FKBP15: variants seen among roughly 807,000 people sequenced by gnomAD.
The protein encoded by FKBP15 is FK506-binding protein 15.
FKBP15 carries 106 observed loss-of-function variants against 158.1 expected under a neutral mutation model. The ratio of observed to expected loss-of-function variants is 0.67; its 90% confidence interval spans 0.57 to 0.79. The LOEUF (loss-of-function observed/expected upper bound fraction) is 0.79. Among genes scored for constraint, FKBP15 ranks in the 30% least tolerant of loss-of-function variants. The pLI is 0.00. For synonymous variants in FKBP15, 547 were observed against 548.6 expected (o/e 1.00, Z 0.04); for missense variants, 1,287 against 1,479.1 (o/e 0.87, Z 2.13).
rs1375467255 is a variant in FKBP15 at position 113,169,607 on chromosome 9, G to C, written c.3102C>G (p.Ser1034=). The change falls in exon 26 of 28, where the codon TCC becomes TCG. Residue 1034 remains serine, a synonymous_variant. Transcript: ENST00000238256. ...SLPPELSCIP[S]HRVLGPPTSI... ...AAGTCGGGGGCCCTAGAACTCTGTG[G>C]GATGGGATGCAAGACAGTTCGGGTG... 1 of 1,613,922 alleles carries C rather than the reference G, an allele frequency of 6.2e-7. No homozygotes were observed. Among genetic ancestry groups the C allele is most frequent in the African/African-American group, 1.3e-5 (1 of 74,932 alleles).
chr9:113,215,598 ATGTGTG>A (rs199589147), intron 1 of FKBP15, among the ~76,000 whole-genome samples: 8,940 of 133,624 alleles, frequency 0.067, 429 homozygotes, highest in East Asian at 0.14. Flanking sequence ...GTGAATATAT[ATGTGTG>A]CGTGTGTGTG....
chr9:113,215,823 T>A (rs1831119434), intron 1 of FKBP15, among the ~76,000 whole-genome samples: 1 of 150,908 alleles, frequency 6.6e-6, no homozygotes, highest in African/African-American at 2.4e-5. Flanking sequence ...CTAATTTCTG[T>A]ATTTTTTAGT....
Position 113,206,569 on chromosome 9 carries a change from A to G in FKBP15, c.264T>C (p.Gly88=), listed in dbSNP as rs1269585995. Residue 88 remains glycine (G), a synonymous_variant, in exon 4 of 28, where the codon GGT becomes GGC. Transcript: ENST00000238256. ...TAVHAYRYTN[G]QYVKQGKFGA... The stretch of plus-strand genomic sequence containing the variant: ...CAAATTTGCCCTGCTTTACATATTG[A>G]CCATTTGTGCTATAAAAGGAAGAGA... 1 of 1,613,580 alleles carries G rather than the reference A, an allele frequency of 6.2e-7. No individual in the cohort carries two copies.
intron 27 of FKBP15, among the ~76,000 whole-genome samples, chr9:113,166,820 G>A (rs6477989): frequency 0.82 from 125,237 of 152,088 alleles, 51,651 homozygotes; most frequent in South Asian, 0.89. Flanking sequence ...TCTTTTCACA[G>A]CTTGAGCTCC....
intron 14 of FKBP15, 191 bp downstream of exon 14, chr9:113,187,602 T>C: frequency 3.4e-6 from 2 of 585,816 alleles, no homozygotes; most frequent in South Asian, 4.1e-5. Context: ...ATTTAATCTT[T>C]ATGACACTGG....
In FKBP15 at chr9:113,188,673, A is replaced by T. The variant is rs1273273170; in HGVS notation, c.1174-182T>A. On this transcript the variant is annotated intron_variant, in intron 12 of 27. Coordinates refer to ENST00000238256, the MANE Select transcript of FKBP15 (RefSeq NM_015258.2). The stretch of plus-strand genomic sequence containing the variant: ...GTGGAGAAAAAGCACTCTGCTATGC[A>T]ATAAAGTAAGAGTCCTTCTCCCTAT... 5.3e-6 allele frequency: 3 copies of T among 561,776 alleles called. No homozygotes were observed. In the Admixed American group the frequency reaches 9.4e-5, roughly 18 times the overall value. The allele number at this position is 561,776 out of a possible 1,614,324, so 34.8% of individuals were successfully genotyped here. A position where few individuals can be genotyped will look rare whatever the true frequency, so the allele number is the denominator to read the frequency against.
At chr9:113,219,672 A>T (rs1310012694) in intron 1 of FKBP15, among the ~76,000 whole-genome samples, 2 of 152,114 alleles carry the variant, frequency 1.3e-5, no homozygotes, top group African/African-American at 4.8e-5. Flanking sequence ...TCTGGCCAGG[A>T]ATCTGGAAAA....
intron 11 of FKBP15, among the ~76,000 whole-genome samples, chr9:113,192,930 G>A (rs1830602711): frequency 6.6e-6 from 1 of 152,168 alleles, no homozygotes; most frequent in Non-Finnish European, 1.5e-5. Context: ...TTAACTGAGA[G>A]AGGCTCCTCC....
rs1275491873 is a variant in FKBP15, at chr9:113,161,806, AG to A, written c.*4271del. ...CTTCACAGAGAGGACAGCGAGGCCC[AG>A]GGAAGGACCAGGACTTGCCAAAGTG... On this transcript the variant is annotated 3_prime_UTR_variant, in exon 28 of 28. Transcript: ENST00000238256. 1 of 1,278,656 alleles carries A rather than the reference AG, an allele frequency of 7.8e-7. No individual in the cohort carries two copies. The highest frequency in any genetic ancestry group is 2.4e-5 in the East Asian group (1 of 42,334). The allele number at this position is 1,278,656 out of a possible 1,614,324, so 79.2% of individuals were successfully genotyped here. A position where few individuals can be genotyped will look rare whatever the true frequency, so the allele number is the denominator to read the frequency against.
Position 113,166,606 on chromosome 9 carries a change from G to T in FKBP15, c.3583-451C>A, listed in dbSNP as rs1587946160. On this transcript the variant is annotated intron_variant, in intron 27 of 27. Coordinates refer to ENST00000238256, the MANE Select transcript of FKBP15 (RefSeq NM_015258.2). ...ACATATGGAAAAATACTGTCGTCGT[G>T]GCCTAAGGTGGCCTGACTGGCTCTG... Among the ~76,000 whole-genome samples, 4 of 152,280 alleles carry T rather than the reference G, an allele frequency of 2.6e-5. 1 individual carries two copies. The highest frequency in any genetic ancestry group is 9.6e-5 in the African/African-American group (4 of 41,560).
rs1261993240 is a variant in FKBP15 at position 113,162,412 on chromosome 9, G to C, written c.*3666C>G. On this transcript the variant is annotated 3_prime_UTR_variant, in exon 28 of 28. Transcript: ENST00000238256. ...TCTTTCCATTGTCATACTGCCTCCC[G>C]AAGTAGATTCAGGGGGGAAATATGC... The C allele has an allele frequency of 9.1e-6, 2 of 220,792 alleles. No individual in the cohort carries two copies. The highest frequency in any genetic ancestry group is 2.3e-5 in the African/African-American group (1 of 42,644). 13.7% of individuals were successfully genotyped at this position (220,792 alleles called of 1,614,324 possible).
chr9:113,220,373 G>A (rs757222064), intron 1 of FKBP15, among the ~76,000 whole-genome samples: 6 of 152,118 alleles, frequency 3.9e-5, no homozygotes, highest in Non-Finnish European at 8.8e-5. Context: ...ACAACACAAT[G>A]GAAAAGGCTA....
At chr9:113,199,742 T>C in intron 7 of FKBP15, 72 bp downstream of exon 7, 3 of 1,457,508 alleles carry the variant, frequency 2.1e-6, no homozygotes, top group Non-Finnish European at 2.8e-6. Flanking sequence ...TTCACAGTAA[T>C]AGTATCTTCC....
rs1830906759 is a variant in FKBP15 at position 113,207,259 on chromosome 9, C to A, written c.207G>T (p.Met69Ile). 1 of 1,613,092 alleles carries A rather than the reference C, an allele frequency of 6.2e-7. No homozygotes were observed. The highest frequency in any genetic ancestry group is 1.7e-5 in the Admixed American group (1 of 59,924). Residue 69 changes from methionine to isoleucine, a missense_variant, in exon 3 of 28, where the codon ATG becomes ATT. Physicochemically the swap from Met to Ile is conservative, Grantham distance 10 (BLOSUM62 1). Transcript: ENST00000238256. The stretch of plus-strand genomic sequence containing the variant: ...TTGCGACCAGTATTGTGGGAGTGCT[C>A]ATGGTGGCTGGTGCTGTTTTTGGTG... ...QATPKTAPAT[M>I]STPTILVATA...
chr9:113,162,695 C>T lies in FKBP15; in HGVS notation c.*3383G>A. ...TCTACTCCCTGATATCTACTCCCAGCTTCCTCATTACCAGCTCATTACCAG... is the reference window on the plus strand; with the variant it reads ...TCTACTCCCTGATATCTACTCCCAGTTTCCTCATTACCAGCTCATTACCAG... On this transcript the variant is annotated 3_prime_UTR_variant, in exon 28 of 28. Transcript: ENST00000238256. The T allele has an allele frequency of 6.5e-7, 1 of 1,526,950 alleles. No individual in the cohort carries two copies. The highest frequency in any genetic ancestry group is 8.9e-7 in the Non-Finnish European group (1 of 1,121,316). The allele number at this position is 1,526,950 out of a possible 1,614,324, so 94.6% of individuals were successfully genotyped here.
chr9:113,163,404 C>T lies in FKBP15; in HGVS notation c.*2674G>A, dbSNP rs1205744453. The T allele has an allele frequency of 6.5e-6, 1 of 152,932 alleles. No homozygotes were observed. Among genetic ancestry groups the T allele is most frequent in the African/African-American group, 2.4e-5 (1 of 41,456 alleles). The allele number at this position is 152,932 out of a possible 1,614,324, so 9.5% of individuals were successfully genotyped here. A position where few individuals can be genotyped will look rare whatever the true frequency, so the allele number is the denominator to read the frequency against. ...ACAGAGACCAAGCTAGATCCTTTTT[C>T]TCACCTTTCTGCCTTTGGAACACAT... On this transcript the variant is annotated 3_prime_UTR_variant, in exon 28 of 28. Coordinates refer to ENST00000238256, the MANE Select transcript of FKBP15 (RefSeq NM_015258.2).
At chr9:113,176,715 C>G in intron 20 of FKBP15, 42 bp from the exon 21 acceptor site, 1 of 1,593,922 alleles carries the variant, frequency 6.3e-7, no homozygotes, top group South Asian at 1.1e-5. Flanking sequence ...AGAACCAAAG[C>G]TGTAATGGGC....
chr9:113,221,267 G>A lies in FKBP15; in HGVS notation c.-24C>T, dbSNP rs774338063. 3.1e-6 allele frequency: 5 copies of A among 1,593,600 alleles called. 1 individual carries two copies. The highest frequency in any genetic ancestry group is 1.7e-4 in the Middle Eastern group (1 of 6,032). On this transcript the variant is annotated 5_prime_UTR_variant, in exon 1 of 28. Transcript: ENST00000238256. ...ATTGCGTTGGCTTTCACCGGGTTGC[G>A]GGGAGGAAGCTGGGTATTCCCAGAG...
chr9:113,169,870 T>TTTC lies in FKBP15; in HGVS notation c.2836_2838dup (p.Glu946dup), dbSNP rs113480096. ...GGTCTTCGTGGCCGCTCTTCTGCTTTTTCTTCTTCTTCTTCACTGCTGCTC... is the reference window on the plus strand; with the variant it reads ...GGTCTTCGTGGCCGCTCTTCTGCTTTTTCTTCTTCTTCTTCTTCACTGCTGCTC... On this transcript the variant is annotated inframe_insertion, in exon 26 of 28. Transcript: ENST00000238256. 0.069 allele frequency: 106,302 copies of TTTC among 1,550,248 alleles called. 3,892 individuals are homozygous for TTTC. The highest frequency in any genetic ancestry group is 0.14 in the South Asian group (11,744 of 83,914).
Sources: gnomAD v4.1 joint callset for allele counts (sites outside exome capture counted in the v4.1 genomes callset) on GRCh38, gnomAD v4.1.1 for gene constraint, MANE v1.5 for transcripts, NCBI Gene and HGNC (gene_info 2026-07-23, HGNC 2026-07-21) for gene names.